Variants in NAA11 observed in about 807,000 individuals in gnomAD.
The protein encoded by NAA11 is N-alpha-acetyltransferase 11, NatA catalytic subunit, also known as N-alpha-acetyltransferase 11.
NAA11 carries 15 observed loss-of-function variants against 16.1 expected under a neutral mutation model. The observed-to-expected ratio is 0.93, with a 90% CI of 0.62 to 1.44. The LOEUF (loss-of-function observed/expected upper bound fraction) is 1.44. Among genes scored for constraint, NAA11 ranks in the 40% most tolerant of loss-of-function variants. NAA11 has a pLI of 0.00. For synonymous variants in NAA11, 122 were observed against 112.4 expected, an observed-to-expected ratio of 1.09 and a Z score of -0.54; for missense variants, 298 against 291.3, an observed-to-expected ratio of 1.02 and a Z score of -0.17.
At chr4:79,252,858 A>G (rs1017495280) in intron 2 of NAA11, among the ~76,000 whole-genome samples, 11 of 152,228 alleles carry the variant, frequency 7.2e-5, no homozygotes, top group Non-Finnish European at 2.9e-5. Context: ...GCAACAAGGA[A>G]CCATTAAAAT....
the NAA11 span, among the ~76,000 whole-genome samples, chr4:79,214,502 A>G: frequency 6.6e-6 from 1 of 152,130 alleles, no homozygotes; most frequent in Non-Finnish European, 1.5e-5. Context: ...GGTTTATTAT[A>G]AAAGGCCAAG....
intron 1 of NAA11, among the ~76,000 whole-genome samples, chr4:79,295,194 G>A (rs1723181757): frequency 6.6e-6 from 1 of 152,164 alleles, no homozygotes; most frequent in East Asian, 1.9e-4. Context: ...TCTGTCTTAG[G>A]GAGTCAAAAG....
At chr4:79,220,834 G>A (rs983059194), downstream of NAA11, among the ~76,000 whole-genome samples, 9 of 152,124 alleles carry the variant, frequency 5.9e-5, no homozygotes, top group African/African-American at 1.2e-4. Context: ...TTCTTTTGGC[G>A]TAGGATTGAC....
At chr4:79,273,610 A>G (rs1028964353) in intron 2 of NAA11, among the ~76,000 whole-genome samples, 13 of 152,040 alleles carry the variant, frequency 8.6e-5, no homozygotes, top group African/African-American at 2.7e-4. Context: ...TTTGTGGTCA[A>G]TAAAACTATG....
At chr4:79,179,637 C>T in the NAA11 span, among the ~76,000 whole-genome samples, 1 of 152,076 alleles carries the variant, frequency 6.6e-6, no homozygotes, top group Non-Finnish European at 1.5e-5. Flanking sequence ...TGGAGGATGT[C>T]ATGATGAAAT....
At chr4:79,276,963 C>T (rs541684250) in intron 2 of NAA11, among the ~76,000 whole-genome samples, 2 of 152,186 alleles carry the variant, frequency 1.3e-5, no homozygotes, top group Middle Eastern at 6.8e-3. Context: ...CTAGAGATGC[C>T]GTTAAAGGAA....
intron 2 of NAA11, among the ~76,000 whole-genome samples, chr4:79,242,880 A>G (rs1477387022): frequency 6.6e-6 from 1 of 152,200 alleles, no homozygotes; most frequent in Non-Finnish European, 1.5e-5. Context: ...AACCTGTGCA[A>G]TGCTTTTCAG....
chr4:79,202,389 G>A, the NAA11 span, among the ~76,000 whole-genome samples: 4 of 150,404 alleles, frequency 2.7e-5, no homozygotes, highest in South Asian at 4.2e-4. Context: ...AGCCTGAGAC[G>A]TGTAGGCATT....
At chr4:79,199,429 T>C in the NAA11 span, among the ~76,000 whole-genome samples, 1 of 151,928 alleles carries the variant, frequency 6.6e-6, no homozygotes, top group Non-Finnish European at 1.5e-5. Context: ...GTTATTACCT[T>C]AGCTCATTAT....
rs59261096 is a variant in NAA11 at position 79,303,076 on chromosome 4, T to TTATATATATATATATATA, written c.*13-8980_*13-8963dup. ...TTCATTCCTGTTCTCTTGAGGCCTT[T>TTATATATATATATATATA]TATATATATATATATATATATATAT... is the stretch of plus-strand genomic sequence containing the variant. On this transcript the variant is annotated intron_variant and NMD_transcript_variant, in intron 1 of 2. Coordinates refer to the NAA11 transcript ENST00000511542. Among the ~76,000 whole-genome samples the TTATATATATATATATATA allele has an allele frequency of 4.0e-4, 27 of 67,526 alleles. 1 individual carries two copies. The highest frequency in any genetic ancestry group is 7.1e-4 in the Non-Finnish European group (25 of 35,072). The allele number at this position is 67,526 out of a possible 152,430, so 44.3% of individuals were successfully genotyped here. A position where few individuals can be genotyped will look rare whatever the true frequency, so the allele number is the denominator to read the frequency against.
At chr4:79,256,652 A>AAAATATATATATATATATATATT in intron 2 of NAA11, among the ~76,000 whole-genome samples, 1 of 27,434 alleles carries the variant, frequency 3.6e-5, no homozygotes, top group South Asian at 1.7e-3. Context: ...ATAAATATAA[A>AAAATATATATATATATATATATT]TATATATATA....
In NAA11 at chr4:79,325,041, C is replaced by A. The variant is rs1029677026; in HGVS notation, c.*12+135G>T. 9.7e-6 allele frequency: 7 copies of A among 724,190 alleles called. No homozygotes were observed. The African/African-American group carries it at 1.3e-4, about 13-fold the overall frequency. The allele number at this position is 724,190 out of a possible 1,614,324, so 44.9% of individuals were successfully genotyped here. A position where few individuals can be genotyped will look rare whatever the true frequency, so the allele number is the denominator to read the frequency against. Reference sequence around the variant, plus strand: ...TCCCTCAACTCACTCTAACTTCTCCCTAAGGTCACCAGGTGGTTTTTACCG... The same window carrying A: ...TCCCTCAACTCACTCTAACTTCTCCATAAGGTCACCAGGTGGTTTTTACCG... On this transcript the variant is annotated intron_variant, in intron 1 of 1. Coordinates refer to ENST00000286794, the MANE Select transcript of NAA11 (RefSeq NM_032693.3).
At chr4:79,206,347 G>A in the NAA11 span, among the ~76,000 whole-genome samples, 1 of 152,048 alleles carries the variant, frequency 6.6e-6, no homozygotes, top group Admixed American at 6.6e-5. Flanking sequence ...TATGTAAAAA[G>A]TAAAGTAGAG....
At chr4:79,307,713 G>A (rs1688217819) in intron 1 of NAA11, among the ~76,000 whole-genome samples, 1 of 152,134 alleles carries the variant, frequency 6.6e-6, no homozygotes, top group Admixed American at 6.5e-5. Flanking sequence ...GGAGTATATT[G>A]CTTGTTTCCT....
intron 2 of NAA11, chr4:79,245,490 T>C (rs1310189149): frequency 7.1e-6 from 1 of 141,162 alleles, no homozygotes; most frequent in African/African-American, 2.9e-5. Context: ...ATCTGGGAGG[T>C]GAGGAGCGTC....
chr4:79,206,462 G>A, the NAA11 span, among the ~76,000 whole-genome samples: 930 of 152,228 alleles, frequency 6.1e-3, 3 homozygotes, highest in Middle Eastern at 0.01. Context: ...TTGAATGTCT[G>A]CTAGCCGTAA....
chr4:79,160,784 CCCATTCTATGCA>C, the NAA11 span, among the ~76,000 whole-genome samples: 1 of 151,520 alleles, frequency 6.6e-6, no homozygotes, highest in Admixed American at 6.6e-5. Context: ...AATATTTTTC[CCCATTCTATGCA>C]CTGTCTTTTC....
At chr4:79,159,638 T>C in the NAA11 span, among the ~76,000 whole-genome samples, 1 of 152,158 alleles carries the variant, frequency 6.6e-6, no homozygotes, top group East Asian at 1.9e-4. Flanking sequence ...TACAGTTTCC[T>C]CCATTTTTAA....
At chr4:79,164,589 A>T in the NAA11 span, among the ~76,000 whole-genome samples, 4 of 152,178 alleles carry the variant, frequency 2.6e-5, no homozygotes, top group African/African-American at 9.7e-5. Context: ...AAACACTGCT[A>T]AACAGCTTGG....
Sources: gnomAD v4.1 joint callset for allele counts (sites outside exome capture counted in the v4.1 genomes callset) on GRCh38, gnomAD v4.1.1 for gene constraint, MANE v1.5 for transcripts, NCBI Gene and HGNC (gene_info 2026-07-23, HGNC 2026-07-21) for gene names.